TRERF1: variants seen among roughly 807,000 people sequenced by gnomAD.
The protein encoded by TRERF1 is transcriptional regulating factor 1.
TRERF1 carries 27 observed loss-of-function variants against 122.9 expected under a neutral mutation model. That is an observed-to-expected ratio of 0.22 (90% confidence interval 0.16 to 0.30). The LOEUF (loss-of-function observed/expected upper bound fraction) is 0.30. TRERF1 is among the 10% of genes least tolerant of loss of function. The probability of loss-of-function intolerance (pLI) is 1.00; values close to 1 mark genes in which losing one functional copy is unlikely to be tolerated. For missense variants in TRERF1, 1,248 were observed against 1,560.3 expected, an observed-to-expected ratio of 0.80 and a Z score of 3.37; for synonymous variants, 636 against 641.7, an observed-to-expected ratio of 0.99 and a Z score of 0.13.
chr6:42,274,234 C>T lies in TRERF1; in HGVS notation c.-258-4386G>A, dbSNP rs565402503. ...TTTTAATGAGCCCTCTTGGTGAGTC[C>T]GATGCACGCTTAAGTTGAAGATCTC... On this transcript the variant is annotated intron_variant, in intron 4 of 17. Transcript: ENST00000372922. 4.9e-4 allele frequency among the ~76,000 whole-genome samples: 75 copies of T among 152,072 alleles called. 1 individual carries two copies. The highest frequency in any genetic ancestry group is 1.0e-4 in the Non-Finnish European group (7 of 68,026).
chr6:42,436,286 G>A (rs927045701), intron 2 of TRERF1, among the ~76,000 whole-genome samples: 15 of 148,808 alleles, frequency 1.0e-4, no homozygotes, highest in African/African-American at 3.7e-4. Flanking sequence ...GGAGAATGGT[G>A]TGAACCCAGG....
chr6:42,318,853 T>C (rs934703880), intron 3 of TRERF1, among the ~76,000 whole-genome samples: 2 of 152,256 alleles, frequency 1.3e-5, no homozygotes, highest in South Asian at 2.1e-4. Flanking sequence ...TCCTCCAAAA[T>C]AGATGCTCTC....
rs142992956 is a variant in TRERF1, at chr6:42,429,338, G to A, written c.-454+21839C>T. ...AGACTTTCCCGTGGATGGACCCTGC[G>A]AGGTCTGGGAAGCCCTACTCACCTC... On this transcript the variant is annotated intron_variant, in intron 2 of 17. Transcript: ENST00000372922. Among the ~76,000 whole-genome samples, 575 of 152,148 alleles carry A rather than the reference G, an allele frequency of 3.8e-3. 1 individual carries two copies. Among genetic ancestry groups the A allele is most frequent in the Non-Finnish European group, 6.0e-3 (406 of 68,010 alleles).
chr6:42,437,013 C>T (rs995318737), intron 2 of TRERF1, among the ~76,000 whole-genome samples: 25 of 151,958 alleles, frequency 1.6e-4, no homozygotes, highest in African/African-American at 6.0e-4. Context: ...CCAGAGACTG[C>T]AGAGCCCATG....
intron 2 of TRERF1, among the ~76,000 whole-genome samples, chr6:42,382,166 G>A (rs185423938): frequency 4.0e-5 from 6 of 151,322 alleles, no homozygotes; most frequent in East Asian, 2.0e-4. Context: ...GTGTTTCTAC[G>A]GTTCCTCGGA....
intron 2 of TRERF1, among the ~76,000 whole-genome samples, chr6:42,403,390 GACACACACAT>G (rs1419431776): frequency 6.6e-6 from 1 of 151,902 alleles, no homozygotes; most frequent in Non-Finnish European, 1.5e-5. Context: ...AGAAAATAGC[GACACACACAT>G]ACACACACAC....
chr6:42,441,751 C>T (rs1002989317), intron 2 of TRERF1, among the ~76,000 whole-genome samples: 4 of 152,030 alleles, frequency 2.6e-5, no homozygotes, highest in East Asian at 1.9e-4. Context: ...TGCTAGAGGC[C>T]GGGGGGTACA....
At chr6:42,306,297 C>T (rs1040955094) in intron 3 of TRERF1, among the ~76,000 whole-genome samples, 6 of 152,240 alleles carry the variant, frequency 3.9e-5, no homozygotes, top group South Asian at 2.1e-4. Context: ...CCACCACGCC[C>T]GGCCAATCTC....
chr6:42,269,757 T>C lies in TRERF1; in HGVS notation c.-167A>G. The C allele has an allele frequency of 6.9e-7, 1 of 1,441,658 alleles. No individual in the cohort carries two copies. The highest frequency in any genetic ancestry group is 9.1e-7 in the Non-Finnish European group (1 of 1,103,976). 89.3% of individuals were successfully genotyped at this position (1,441,658 alleles called of 1,614,324 possible). A position where few individuals can be genotyped will look rare whatever the true frequency, so the allele number is the denominator to read the frequency against. ...GGAGCCAGGTGTTCCTGTTGGCCTG[T>C]ACCACTCATGTGCAGGGCGGGGGGT... On this transcript the variant is annotated 5_prime_UTR_variant, in exon 5 of 18. Transcript: ENST00000372922. This position sits in a 1 kb window ranked among gnomAD's most constrained non-coding sequence, Gnocchi z 4.9.
At chr6:42,356,854 G>A (rs140916487) in intron 3 of TRERF1, among the ~76,000 whole-genome samples, 3 of 152,014 alleles carry the variant, frequency 2.0e-5, no homozygotes, top group African/African-American at 7.2e-5. Context: ...TTACAGGTGT[G>A]AGCCATTGCG....
chr6:42,413,919 AG>A (rs960862645), intron 2 of TRERF1, among the ~76,000 whole-genome samples: 2 of 152,220 alleles, frequency 1.3e-5, no homozygotes, highest in Non-Finnish European at 2.9e-5. Flanking sequence ...GAAAGCCAAA[AG>A]TTGGCCCTTT....
chr6:42,401,251 C>T (rs992829598), intron 2 of TRERF1, among the ~76,000 whole-genome samples: 6 of 152,154 alleles, frequency 3.9e-5, no homozygotes, highest in South Asian at 4.1e-4. Flanking sequence ...AAAACCAGGC[C>T]GTCAACTACC....
chr6:42,428,790 T>C (rs1174572637), intron 2 of TRERF1, among the ~76,000 whole-genome samples: 2 of 152,174 alleles, frequency 1.3e-5, no homozygotes, highest in Non-Finnish European at 2.9e-5. Context: ...TAGGGAAATG[T>C]TTAGAAAAGA....
At chr6:42,310,206 C>T (rs1788007675) in intron 3 of TRERF1, among the ~76,000 whole-genome samples, 1 of 152,176 alleles carries the variant, frequency 6.6e-6, no homozygotes, top group Admixed American at 6.5e-5. Flanking sequence ...TGGGCTCAGG[C>T]AATCCTCCTG....
intron 15 of TRERF1, among the ~76,000 whole-genome samples, chr6:42,242,137 A>G (rs75437622): frequency 0.041 from 6,244 of 152,280 alleles, 429 homozygotes; most frequent in African/African-American, 0.14. Flanking sequence ...TCTTAACTAC[A>G]CAAGGGAATC....
At chr6:42,428,269 T>C (rs961973701) in intron 2 of TRERF1, among the ~76,000 whole-genome samples, 1 of 152,256 alleles carries the variant, frequency 6.6e-6, no homozygotes, top group African/African-American at 2.4e-5. Context: ...CCCCTTAATT[T>C]ATCAGTACCA....
intron 3 of TRERF1, among the ~76,000 whole-genome samples, chr6:42,304,272 C>T (rs7774037): frequency 0.16 from 23,839 of 152,232 alleles, 2,288 homozygotes; most frequent in African/African-American, 0.27. Flanking sequence ...CATGTGAGCT[C>T]TGGAGCTAAG....
intron 3 of TRERF1, among the ~76,000 whole-genome samples, chr6:42,313,356 G>T (rs1761982682): frequency 6.6e-6 from 1 of 152,184 alleles, no homozygotes; most frequent in African/African-American, 2.4e-5. Flanking sequence ...AGCAGAGGAG[G>T]AAAGTGTCGT....
At chr6:42,434,066 C>T (rs1322386962) in intron 2 of TRERF1, among the ~76,000 whole-genome samples, 1 of 151,618 alleles carries the variant, frequency 6.6e-6, no homozygotes, top group Non-Finnish European at 1.5e-5. Context: ...ATGTGCTTGA[C>T]AACAAAAAGG....
Sources: allele counts gnomAD v4.1 joint callset (sites outside exome capture counted in the v4.1 genomes callset), GRCh38; gene constraint gnomAD v4.1.1; non-coding constraint Gnocchi (gnomAD v3.1); transcripts MANE v1.5; gene names NCBI Gene and HGNC (gene_info 2026-07-23, HGNC 2026-07-21).